Variants in FSTL5 observed in about 807,000 individuals in gnomAD.
FSTL5 encodes follistatin-related protein 5.
In FSTL5, 62 loss-of-function variants were observed where a neutral mutation model predicts 89.1. The observed-to-expected ratio is 0.70, with a 90% CI of 0.57 to 0.86. The LOEUF is 0.86. Ranked by LOEUF, FSTL5 falls within the 40% of genes least tolerant of loss-of-function variation. The probability of loss-of-function intolerance (pLI) is 0.00; values close to 1 mark genes in which losing one functional copy is unlikely to be tolerated. For missense variants in FSTL5, 1,057 were observed against 1,001.6 expected (o/e 1.06, Z -0.75); for synonymous variants, 383 against 346.2 (o/e 1.11, Z -1.18).
intron 6 of FSTL5, among the ~76,000 whole-genome samples, chr4:161,685,130 ATGC>A (rs1284636997): frequency 1.3e-5 from 2 of 152,166 alleles, no homozygotes; most frequent in Non-Finnish European, 2.9e-5. Context: ...TACCAGTAAC[ATGC>A]TGCTTTGGTG....
intron 7 of FSTL5, among the ~76,000 whole-genome samples, chr4:161,638,638 A>G: frequency 7.1e-6 from 1 of 141,462 alleles, no homozygotes; most frequent in African/African-American, 2.7e-5. Context: ...ATCCTCCCTA[A>G]CTCATTTTAT....
intron 7 of FSTL5, among the ~76,000 whole-genome samples, chr4:161,635,695 T>G (rs999273280): frequency 6.6e-6 from 1 of 152,180 alleles, no homozygotes; most frequent in Non-Finnish European, 1.5e-5. Context: ...ATCTTTCTTA[T>G]GAACAACTAC....
intron 4 of FSTL5, among the ~76,000 whole-genome samples, chr4:161,824,457 A>C (rs1294201981): frequency 2.0e-5 from 3 of 151,768 alleles, no homozygotes; most frequent in Non-Finnish European, 2.9e-5. Context: ...ATGCCTTCAG[A>C]TTTGTTCTTT....
chr4:161,700,139 T>C (rs898064916), intron 6 of FSTL5, among the ~76,000 whole-genome samples: 1 of 152,316 alleles, frequency 6.6e-6, no homozygotes. Flanking sequence ...CTTGTAACTA[T>C]TTTAATATGT....
intron 3 of FSTL5, among the ~76,000 whole-genome samples, chr4:162,031,508 G>T (rs1459174604): frequency 6.6e-6 from 1 of 152,120 alleles, no homozygotes; most frequent in Non-Finnish European, 1.5e-5. Context: ...ACATTTTAAA[G>T]AGGTCATTCC....
chr4:161,908,076 T>A (rs532296288), intron 4 of FSTL5, among the ~76,000 whole-genome samples: 1 of 152,172 alleles, frequency 6.6e-6, no homozygotes, highest in East Asian at 1.9e-4. Flanking sequence ...ATGATTTCAA[T>A]GTCCCTGAAT....
At chr4:161,503,756 G>C (rs997881922) in intron 11 of FSTL5, among the ~76,000 whole-genome samples, 2 of 151,760 alleles carry the variant, frequency 1.3e-5, no homozygotes, top group Non-Finnish European at 2.9e-5. Flanking sequence ...GGAATAACAG[G>C]GCCTAAAAAA....
intron 15 of FSTL5, among the ~76,000 whole-genome samples, chr4:161,446,186 C>T (rs1029684084): frequency 6.6e-6 from 1 of 151,888 alleles, no homozygotes; most frequent in Admixed American, 6.6e-5. Flanking sequence ...TGATGCCCAC[C>T]CAAAACTGCC....
intron 2 of FSTL5, among the ~76,000 whole-genome samples, chr4:162,104,034 C>T (rs1230022250): frequency 1.3e-5 from 2 of 152,164 alleles, no homozygotes; most frequent in African/African-American, 4.8e-5. Flanking sequence ...TTCTGATCCG[C>T]GTTTGTTATG....
At chr4:161,638,919 G>T (rs1735836668) in intron 7 of FSTL5, among the ~76,000 whole-genome samples, 1 of 141,752 alleles carries the variant, frequency 7.1e-6, no homozygotes, top group African/African-American at 2.7e-5. Context: ...CTCAATAGAT[G>T]CAGAAAAAGC....
At chr4:161,422,739 G>A (rs1732033989) in intron 15 of FSTL5, among the ~76,000 whole-genome samples, 1 of 149,990 alleles carries the variant, frequency 6.7e-6, no homozygotes, top group Non-Finnish European at 1.5e-5. Flanking sequence ...ACCCTAGGGA[G>A]TTTGCTTTAT....
chr4:161,538,592 T>A (rs969104553), intron 9 of FSTL5, among the ~76,000 whole-genome samples: 12 of 152,254 alleles, frequency 7.9e-5, no homozygotes, highest in Non-Finnish European at 1.5e-4. Context: ...ATAAGTATAA[T>A]TTCATTTATA....
intron 1 of FSTL5, among the ~76,000 whole-genome samples, chr4:162,117,591 A>G (rs941794383): frequency 1.3e-5 from 2 of 152,200 alleles, no homozygotes; most frequent in Non-Finnish European, 2.9e-5. Flanking sequence ...GTCGAAACAC[A>G]TTATATATTT....
At chr4:162,120,323 A>G (rs571148316) in intron 1 of FSTL5, among the ~76,000 whole-genome samples, 7 of 152,242 alleles carry the variant, frequency 4.6e-5, no homozygotes, top group Admixed American at 3.3e-4. Flanking sequence ...CGAAAGCCCC[A>G]CATTATTAGA....
intron 4 of FSTL5, among the ~76,000 whole-genome samples, chr4:161,793,936 T>C (rs772028859): frequency 9.2e-5 from 14 of 152,120 alleles, no homozygotes; most frequent in Non-Finnish European, 1.9e-4. Flanking sequence ...ATGGATATAA[T>C]ACGGATATTA....
chr4:161,656,297 T>A lies in FSTL5; in HGVS notation c.894+31A>T, dbSNP rs775380094. ...TGGAGTATATCACATGAAATATATA[T>A]ATTATAAAGCAACTATATTTATGTA... On this transcript the variant is annotated intron_variant, in intron 7 of 15. Coordinates refer to ENST00000306100, the MANE Select transcript of FSTL5 (RefSeq NM_020116.5). 4 of 1,230,898 alleles carry A rather than the reference T, an allele frequency of 3.2e-6. No individual in the cohort carries two copies. The African/African-American group carries it at 6.2e-5, about 19-fold the overall frequency. 76.2% of individuals were successfully genotyped at this position (1,230,898 alleles called of 1,614,324 possible). A position where few individuals can be genotyped will look rare whatever the true frequency, so the allele number is the denominator to read the frequency against.
chr4:162,039,871 G>A (rs899473562), intron 2 of FSTL5, among the ~76,000 whole-genome samples: 3 of 151,910 alleles, frequency 2.0e-5, no homozygotes, highest in African/African-American at 7.2e-5. Flanking sequence ...ATTATCCATA[G>A]GTCTTCCTAC....
intron 4 of FSTL5, among the ~76,000 whole-genome samples, chr4:161,780,388 C>A (rs1230249404): frequency 6.6e-6 from 1 of 152,028 alleles, no homozygotes; most frequent in Non-Finnish European, 1.5e-5. Context: ...AGTTAATTGA[C>A]AGGCAGAGTG....
chr4:162,146,661 G>GTCCCTTCCCTTCCCTTCCCT (rs200924276), intron 1 of FSTL5, among the ~76,000 whole-genome samples: 1 of 140,788 alleles, frequency 7.1e-6, no homozygotes, highest in African/African-American at 2.7e-5. Flanking sequence ...TTTACCTAAT[G>GTCCCTTCCCTTCCCTTCCCT]TCCCTTCCCT....
Sources: allele counts gnomAD v4.1 joint callset (sites outside exome capture counted in the v4.1 genomes callset), GRCh38; gene constraint gnomAD v4.1.1; transcripts MANE v1.5; gene names NCBI Gene and HGNC (gene_info 2026-07-23, HGNC 2026-07-21).